Variants in CDK13 observed in about 807,000 individuals in gnomAD.
The protein encoded by CDK13 is cyclin-dependent kinase 13.
Under a neutral mutation model 137.6 loss-of-function variants are expected in CDK13, and 40 were observed. The ratio of observed to expected loss-of-function variants is 0.29; its 90% CI spans 0.23 to 0.38. CDK13 has a LOEUF of 0.38. Among genes scored for constraint, CDK13 ranks in the 10% least tolerant of loss-of-function variants. The pLI is 1.00. For missense variants in CDK13, 1,704 were observed against 1,951.8 expected (o/e 0.87, Z 2.39); for synonymous variants, 869 against 760.1 (o/e 1.14, Z -2.36).
At chr7:39,982,878 G>A (rs1203222298) in intron 1 of CDK13, among the ~76,000 whole-genome samples, 2 of 152,014 alleles carry the variant, frequency 1.3e-5, no homozygotes, top group Admixed American at 6.5e-5. Context: ...TTTTTTTCTT[G>A]TAAATTTGTT....
intron 1 of CDK13, among the ~76,000 whole-genome samples, chr7:39,962,609 T>G (rs1474374074): frequency 6.6e-6 from 1 of 152,228 alleles, no homozygotes; most frequent in African/African-American, 2.4e-5. Context: ...GGTAGTTTCT[T>G]TTGCTGTGTG....
chr7:39,953,274 CTCAT>C (rs1222116772), intron 1 of CDK13, among the ~76,000 whole-genome samples: 1 of 152,208 alleles, frequency 6.6e-6, no homozygotes, highest in Non-Finnish European at 1.5e-5. Context: ...AATTGAAAAA[CTCAT>C]TCATCAAAAT....
Position 40,046,005 on chromosome 7 carries a change from C to T in CDK13, c.2523C>T (p.Ser841=), listed in dbSNP as rs1407033383. The change falls in exon 6 of 14, where the codon TCC becomes TCT. Residue 841 remains serine (S), a synonymous_variant. Transcript: ENST00000181839. The part of the protein sequence containing the change: ...KNFLHRDIKC[S]NILLNNRGQI... ...TTTTGCATAGAGATATTAAATGTTCCAATATCCTTCTAAATAATAGGTATG... is the reference window on the plus strand; with the variant it reads ...TTTTGCATAGAGATATTAAATGTTCTAATATCCTTCTAAATAATAGGTATG... 4.4e-6 allele frequency: 7 copies of T among 1,585,530 alleles called. No individual in the cohort carries two copies. The highest frequency in any genetic ancestry group is 1.3e-5 in the African/African-American group (1 of 74,154).
intron 1 of CDK13, among the ~76,000 whole-genome samples, chr7:39,970,794 G>A (rs1562704491): frequency 6.6e-6 from 1 of 152,180 alleles, no homozygotes; most frequent in Admixed American, 6.6e-5. Flanking sequence ...TTTGCATGGT[G>A]TATGTGTGTT....
intron 7 of CDK13, among the ~76,000 whole-genome samples, chr7:40,049,584 T>A (rs1408739534): frequency 2.0e-5 from 3 of 152,184 alleles, no homozygotes; most frequent in Non-Finnish European, 4.4e-5. Context: ...ACCCCACATT[T>A]TTTTTGTGTG....
intron 5 of CDK13, among the ~76,000 whole-genome samples, chr7:40,026,868 CTT>C (rs1249068459): frequency 6.6e-6 from 1 of 152,102 alleles, no homozygotes; most frequent in Non-Finnish European, 1.5e-5. Flanking sequence ...ATTTCATTAG[CTT>C]TTTTGAACAA....
rs780848121 is a variant in CDK13, at chr7:40,045,837, T to C, written c.2355T>C (p.Gly785=). 7.5e-6 allele frequency: 12 copies of C among 1,594,250 alleles called. No homozygotes were observed. In the East Asian group the frequency reaches 2.5e-4, roughly 33 times the overall value. The change falls in exon 6 of 14, where the codon GGT becomes GGC. Residue 785 remains glycine (G), a splice_region_variant and synonymous_variant. Coordinates refer to ENST00000181839, the MANE Select transcript of CDK13 (RefSeq NM_003718.5). ...TGTATTAATTATTCTCATTCTTAGGTGCATTTTATCTGGTGTTTGAATATA... is the reference window on the plus strand; with the variant it reads ...TGTATTAATTATTCTCATTCTTAGGCGCATTTTATCTGGTGTTTGAATATA... ...EDALDFKKDK[G]AFYLVFEYMD...
rs187390564 is a variant in CDK13, at chr7:40,087,615, C to G, written c.3030-511C>G. 6.7e-3 allele frequency among the ~76,000 whole-genome samples: 913 copies of G among 136,772 alleles called. 4 individuals carry two copies. Among genetic ancestry groups the G allele is most frequent in the Non-Finnish European group, 0.011 (716 of 66,320 alleles). 89.7% of individuals were successfully genotyped at this position (136,772 alleles called of 152,430 possible). The stretch of plus-strand genomic sequence containing the variant: ...CCAGGCTGGAGTGCAGTGGCGCAAT[C>G]TCGGCTCACCGCAACCTCCACCTCC... On this transcript the variant is annotated intron_variant, in intron 11 of 13. Transcript: ENST00000181839.
chr7:40,088,111 C>CTTTT lies in CDK13; in HGVS notation c.3030-7_3030-4dup, dbSNP rs377247573. ...AGAAATGCCATTTACAATTTAATTCCTTTTTTTTTTTCAGTCTCCCTTTAT... is the reference window on the plus strand; with the variant it reads ...AGAAATGCCATTTACAATTTAATTCCTTTTTTTTTTTTTTTCAGTCTCCCTTTAT... On this transcript the variant is annotated splice_polypyrimidine_tract_variant and intron_variant, in intron 11 of 13. Transcript: ENST00000181839. 1 of 1,330,102 alleles carries CTTTT rather than the reference C, an allele frequency of 7.5e-7. No individual in the cohort carries two copies. Among genetic ancestry groups the CTTTT allele is most frequent in the East Asian group, 3.0e-5 (1 of 33,170 alleles). 82.4% of individuals were successfully genotyped at this position (1,330,102 alleles called of 1,614,324 possible).
chr7:40,063,955 C>T (rs1399797892), intron 9 of CDK13, among the ~76,000 whole-genome samples: 1 of 152,046 alleles, frequency 6.6e-6, no homozygotes, highest in African/African-American at 2.4e-5. Flanking sequence ...CCACCTCATC[C>T]AGCCCGTCTT....
intron 2 of CDK13, among the ~76,000 whole-genome samples, chr7:39,996,284 T>A (rs1784559248): frequency 6.6e-6 from 1 of 152,220 alleles, no homozygotes; most frequent in African/African-American, 2.4e-5. Flanking sequence ...TTGCAATAAA[T>A]TTTTTCATTA....
intron 7 of CDK13, among the ~76,000 whole-genome samples, chr7:40,055,894 A>G (rs1008995179): frequency 3.3e-5 from 5 of 151,608 alleles, no homozygotes; most frequent in African/African-American, 1.2e-4. Flanking sequence ...ATTTTCTTTT[A>G]TTTGTCTGTC....
Position 40,094,216 on chromosome 7 carries a change from C to A in CDK13, c.3775C>A (p.Gln1259Lys), listed in dbSNP as rs1343716955. The A allele has an allele frequency of 2.5e-6, 4 of 1,613,626 alleles. No individual in the cohort carries two copies. Among genetic ancestry groups the A allele is most frequent in the Non-Finnish European group, 3.4e-6 (4 of 1,179,940 alleles). ...PDRPRILPPDQRPPEPPEPPP... is the reference protein window; with the variant it reads ...PDRPRILPPDKRPPEPPEPPP... ...CCGGCCTCGAATTCTGCCTCCTGAC[C>A]AACGACCTCCCGAGCCTCCTGAACC... Residue 1259 changes from glutamine (Q) to lysine (K), a missense_variant, in exon 14 of 14, where the codon CAA (glutamine) becomes AAA (lysine). By Grantham distance (53) the Gln-to-Lys change is moderately conservative. Transcript: ENST00000181839.
intron 7 of CDK13, among the ~76,000 whole-genome samples, chr7:40,060,075 CATT>C (rs962543083): frequency 1.2e-4 from 18 of 152,102 alleles, no homozygotes; most frequent in African/African-American, 4.3e-4. Flanking sequence ...ATTAATAAAA[CATT>C]ATAGCAATTA....
intron 3 of CDK13, chr7:39,998,027 G>T: frequency 5.8e-6 from 1 of 173,230 alleles, no homozygotes; most frequent in African/African-American, 2.4e-5. Flanking sequence ...GCAAGCTGCT[G>T]TTTCCTTTGC....
At chr7:39,976,556 TAC>T (rs745499943) in intron 1 of CDK13, among the ~76,000 whole-genome samples, 7 of 151,986 alleles carry the variant, frequency 4.6e-5, no homozygotes, top group Non-Finnish European at 1.0e-4. Context: ...TAGTGTGGTA[TAC>T]AGTCATGTCC....
At chr7:39,970,895 A>G (rs531250678) in intron 1 of CDK13, among the ~76,000 whole-genome samples, 6 of 152,338 alleles carry the variant, frequency 3.9e-5, no homozygotes, top group Middle Eastern at 3.4e-3. Flanking sequence ...TACAGATCCA[A>G]CTTTCCATGT....
intron 2 of CDK13, among the ~76,000 whole-genome samples, chr7:39,989,805 C>T (rs1473995458): frequency 2.8e-5 from 4 of 144,902 alleles, no homozygotes; most frequent in Admixed American, 7.0e-5. Context: ...TTTTTTGAGA[C>T]GGAGTCTTGC....
At chr7:40,072,548 T>C (rs768471349) in intron 9 of CDK13, 6 of 152,238 alleles carry the variant, frequency 3.9e-5, no homozygotes, top group Non-Finnish European at 7.3e-5. Flanking sequence ...AAGGTGCTGG[T>C]AGTTTTACCA....
Sources: allele counts gnomAD v4.1 joint callset (sites outside exome capture counted in the v4.1 genomes callset), GRCh38; gene constraint gnomAD v4.1.1; transcripts MANE v1.5; gene names NCBI Gene and HGNC (gene_info 2026-07-23, HGNC 2026-07-21).